NEK1: variants seen among roughly 807,000 people sequenced by gnomAD.
NEK1 encodes NIMA related kinase 1.
In NEK1, 137 loss-of-function variants were observed where a neutral mutation model predicts 182.1. That is an observed-to-expected ratio of 0.75 (90% CI 0.65 to 0.87). The LOEUF (loss-of-function observed/expected upper bound fraction) is 0.87, where lower values mean the gene tolerates loss of function less well. NEK1 is among the 40% of genes least tolerant of loss of function. The pLI, the probability that NEK1 is intolerant of heterozygous loss-of-function variation, is 0.00. For synonymous variants in NEK1, 513 were observed against 492.2 expected (o/e 1.04, Z -0.56); for missense variants, 1,391 against 1,494.4 (o/e 0.93, Z 1.14).
intron 35 of NEK1, among the ~76,000 whole-genome samples, chr4:169,398,863 A>G (rs1163840840): frequency 6.6e-6 from 1 of 152,236 alleles, no homozygotes; most frequent in Non-Finnish European, 1.5e-5. Flanking sequence ...ATTTTAGTCT[A>G]TGAATTTAAC....
chr4:169,499,696 C>T (rs537659835), intron 23 of NEK1, among the ~76,000 whole-genome samples: 20 of 152,280 alleles, frequency 1.3e-4, no homozygotes, highest in East Asian at 3.9e-4. Flanking sequence ...GTATCAGCAG[C>T]GGAGGCTGCA....
At chr4:169,587,308 T>G (rs553000288) in intron 9 of NEK1, among the ~76,000 whole-genome samples, 1 of 151,992 alleles carries the variant, frequency 6.6e-6, no homozygotes, top group African/African-American at 2.4e-5. Context: ...AATAGCAAAA[T>G]TTATTTCTGT....
At chr4:169,418,098 A>C (rs548380850) in intron 31 of NEK1, among the ~76,000 whole-genome samples, 17 of 152,360 alleles carry the variant, frequency 1.1e-4, no homozygotes, top group African/African-American at 4.1e-4. Flanking sequence ...CTCAGAGCTC[A>C]TGCAGGTAGG....
chr4:169,431,469 C>A (rs576475458), intron 29 of NEK1, among the ~76,000 whole-genome samples: 1 of 151,804 alleles, frequency 6.6e-6, no homozygotes, highest in Non-Finnish European at 1.5e-5. Context: ...CATAACAATG[C>A]CAAAATATTT....
At chr4:169,533,976 A>T (rs1403760363) in intron 19 of NEK1, among the ~76,000 whole-genome samples, 1 of 152,250 alleles carries the variant, frequency 6.6e-6, no homozygotes, top group East Asian at 1.9e-4. Flanking sequence ...ACAGAAAAAT[A>T]GTCCTAAGAG....
chr4:169,452,310 G>T (rs901710433), intron 27 of NEK1, among the ~76,000 whole-genome samples: 1 of 152,086 alleles, frequency 6.6e-6, no homozygotes, highest in Non-Finnish European at 1.5e-5. Context: ...CCTCCCTAAC[G>T]CATTTTATGA....
At chr4:169,524,750 A>G (rs1756641969) in intron 19 of NEK1, among the ~76,000 whole-genome samples, 1 of 152,250 alleles carries the variant, frequency 6.6e-6, no homozygotes, top group African/African-American at 2.4e-5. Context: ...AAAGCTAAGA[A>G]TGGTGTTCAA....
intron 31 of NEK1, among the ~76,000 whole-genome samples, chr4:169,410,603 G>A (rs1199178858): frequency 6.6e-6 from 1 of 152,060 alleles, no homozygotes; most frequent in Non-Finnish European, 1.5e-5. Context: ...TACTTCAACC[G>A]ATACATCAGG....
At chr4:169,534,279 G>A (rs1758116798) in intron 19 of NEK1, among the ~76,000 whole-genome samples, 1 of 152,190 alleles carries the variant, frequency 6.6e-6, no homozygotes, top group Non-Finnish European at 1.5e-5. Flanking sequence ...ATCCTTGAGA[G>A]AAGGGAAACA....
At chr4:169,460,390 G>T (rs1454295290) in intron 27 of NEK1, among the ~76,000 whole-genome samples, 1 of 151,386 alleles carries the variant, frequency 6.6e-6, no homozygotes, top group Non-Finnish European at 1.5e-5. Flanking sequence ...AAAACCATCA[G>T]ATCTCGTGAG....
intron 27 of NEK1, among the ~76,000 whole-genome samples, chr4:169,444,338 G>GT (rs200453907): frequency 6.6e-6 from 1 of 151,758 alleles, no homozygotes; most frequent in African/African-American, 2.4e-5. Flanking sequence ...TGGCTGAATG[G>GT]TTAAAAAAAA....
At chr4:169,514,693 T>C (rs1029267801) in intron 19 of NEK1, among the ~76,000 whole-genome samples, 2 of 152,240 alleles carry the variant, frequency 1.3e-5, no homozygotes, top group Non-Finnish European at 2.9e-5. Context: ...ACAAGATCTA[T>C]AATTATACCC....
chr4:169,467,563 G>A (rs1308939682), intron 26 of NEK1, among the ~76,000 whole-genome samples: 1 of 152,042 alleles, frequency 6.6e-6, no homozygotes, highest in Non-Finnish European at 1.5e-5. Flanking sequence ...AAGCATAGAT[G>A]AGGCAAACAA....
chr4:169,594,639 A>T (rs1358781886), intron 5 of NEK1, among the ~76,000 whole-genome samples: 1 of 152,132 alleles, frequency 6.6e-6, no homozygotes, highest in Non-Finnish European at 1.5e-5. Flanking sequence ...TGTCACTTTG[A>T]TTAAATAAGT....
chr4:169,477,464 C>A lies in NEK1; in HGVS notation c.2173G>T (p.Glu725Ter). Residue 725 changes from glutamate to a stop codon, truncating the protein, a stop_gained, in exon 25 of 36, where the codon GAA (glutamate) becomes TAA (stop). Coordinates refer to ENST00000507142, the MANE Select transcript of NEK1 (RefSeq NM_001199397.3). LOFTEE classifies it high-confidence loss of function. Reference sequence around the variant, plus strand: ...GCATTGTTGGTCTTTTGCATCTCTTCTGAAGTTTCCCGGGTATCAGTTAAA... The same window carrying A: ...GCATTGTTGGTCTTTTGCATCTCTTATGAAGTTTCCCGGGTATCAGTTAAA... Reference protein sequence around the residue: ...SSLTDTRETSEEMQKTNNAIS... With the variant: ...SSLTDTRETS The A allele has an allele frequency of 6.2e-7, 1 of 1,608,016 alleles. No homozygotes were observed. The highest frequency in any genetic ancestry group is 2.2e-5 in the East Asian group (1 of 44,650).
chr4:169,406,635 T>G lies in NEK1; in HGVS notation c.3335A>C (p.Asp1112Ala), dbSNP rs751985072. ...AGAAGGTCCTTCTTTAATGTTTTCA[T>G]CTTCAATTTCATCTATTTCAAGATT... is the stretch of plus-strand genomic sequence containing the variant. Reference protein sequence around the residue: ...QDNLEIDEIEDENIKEGPSDS... With the variant: ...QDNLEIDEIEAENIKEGPSDS... The change falls in exon 32 of 36, where the codon GAT becomes GCT. Residue 1112 changes from aspartate (D) to alanine (A), a missense_variant. Around this residue, in one of 5 missense-constraint regions of NEK1, gnomAD observed 1,216 missense variants for 1,277.6 expected, o/e 0.95. Transcript: ENST00000507142. 5.0e-6 allele frequency: 8 copies of G among 1,607,680 alleles called. No homozygotes were observed.
chr4:169,585,918 T>C (rs2150072671), intron 9 of NEK1, among the ~76,000 whole-genome samples: 1 of 152,274 alleles, frequency 6.6e-6, no homozygotes, highest in Middle Eastern at 3.4e-3. Context: ...ACCTGACTTT[T>C]AGTGCCTCTG....
chr4:169,611,083 G>GTAAA (rs556691754), intron 2 of NEK1, among the ~76,000 whole-genome samples: 39 of 152,144 alleles, frequency 2.6e-4, no homozygotes, highest in African/African-American at 8.9e-4. Flanking sequence ...CTACCAACAG[G>GTAAA]TAAATAAAGA....
At chr4:169,440,666 T>C (rs1739273416) in intron 27 of NEK1, among the ~76,000 whole-genome samples, 1 of 152,166 alleles carries the variant, frequency 6.6e-6, no homozygotes, top group Non-Finnish European at 1.5e-5. Context: ...TAGGACTGGC[T>C]AGAAGCCAGG....
Sources: allele counts gnomAD v4.1 joint callset (sites outside exome capture counted in the v4.1 genomes callset), GRCh38; gene constraint gnomAD v4.1.1; regional missense constraint gnomAD v4.1.1; transcripts MANE v1.5; gene names NCBI Gene and HGNC (gene_info 2026-07-23, HGNC 2026-07-21).